LAMA5: variants seen among roughly 807,000 people sequenced by gnomAD.
The protein encoded by LAMA5 is laminin subunit alpha 5.
A neutral mutation model predicts 433.4 loss-of-function variants in LAMA5; 260 were observed. The ratio of observed to expected loss-of-function variants is 0.60; its 90% CI spans 0.54 to 0.66. The LOEUF (loss-of-function observed/expected upper bound fraction) is 0.66. Ranked by LOEUF, LAMA5 falls within the 30% of genes least tolerant of loss-of-function variation. The pLI, the probability that LAMA5 is intolerant of heterozygous loss-of-function variation, is 0.00. For synonymous variants in LAMA5, 2,620 were observed against 2,226.6 expected (o/e 1.18, Z -4.97); for missense variants, 5,378 against 5,258.5 (o/e 1.02, Z -0.70).
intron 6 of LAMA5, 152 bp downstream of exon 6, chr20:62,351,552 G>A (rs939369857): frequency 5.8e-6 from 4 of 684,054 alleles, no homozygotes; most frequent in Non-Finnish European, 7.6e-6. Flanking sequence ...AGGCACACAC[G>A]GCGGTGGTCA....
At position 62,328,928 on chromosome 20, in the gene LAMA5, C is replaced by T. The variant is rs754231992; in HGVS notation, c.4363G>A (p.Gly1455Ser). 2.5e-6 allele frequency: 4 copies of T among 1,611,490 alleles called. No individual in the cohort carries two copies. Among genetic ancestry groups the T allele is most frequent in the Admixed American group, 1.7e-5 (1 of 59,892 alleles). Residue 1455 changes from glycine to serine, a missense_variant, in exon 34 of 80, where the codon GGC (glycine) becomes AGC (serine). By Grantham distance (56) the Gly-to-Ser change is moderately conservative (BLOSUM62 0). Coordinates refer to ENST00000252999, the MANE Select transcript of LAMA5 (RefSeq NM_005560.6). ...ACATGGGCATGGCAGGGACACTGGC[C>T]CCCGAAGGGCTCACACGTGGGGCCT... ...ATGPTCEPFG[G>S]QCPCHAHVIG...
intron 43 of LAMA5, 77 bp from the exon 44 acceptor site, chr20:62,323,933 G>C (rs953853240): frequency 2.7e-5 from 40 of 1,477,192 alleles, no homozygotes; most frequent in Middle Eastern, 2.0e-4. Context: ...GCTCCGGCTG[G>C]AACACACGCC....
chr20:62,341,223 G>A (rs906958434), intron 11 of LAMA5, among the ~76,000 whole-genome samples: 1 of 152,088 alleles, frequency 6.6e-6, no homozygotes, highest in African/African-American at 2.4e-5. Context: ...AAAAGGACAG[G>A]AGGGAAACCT....
Position 62,328,231 on chromosome 20 carries a change from G to A in LAMA5, c.4652+10C>T, listed in dbSNP as rs1296130460. ...CCAGGGGCCGCGCTGACGCCGCTCTGGGCTCTCACTTGCACTGGCCGCTGT... is the reference window on the plus strand; with the variant it reads ...CCAGGGGCCGCGCTGACGCCGCTCTAGGCTCTCACTTGCACTGGCCGCTGT... On this transcript the variant is annotated intron_variant, in intron 35 of 79. Coordinates refer to ENST00000252999, the MANE Select transcript of LAMA5 (RefSeq NM_005560.6). The A allele has an allele frequency of 7.5e-6, 12 of 1,594,982 alleles. No homozygotes were observed. The highest frequency in any genetic ancestry group is 1.0e-5 in the Non-Finnish European group (12 of 1,170,520).
intron 18 of LAMA5, among the ~76,000 whole-genome samples, chr20:62,336,047 C>T (rs1374956978): frequency 6.7e-6 from 1 of 149,944 alleles, no homozygotes; most frequent in Non-Finnish European, 1.5e-5. Context: ...CCCCAATACT[C>T]CCTTTAGGGC....
chr20:62,337,105 A>T lies in LAMA5; in HGVS notation c.2165-319T>A, dbSNP rs1601369422. On this transcript the variant is annotated intron_variant, in intron 16 of 79. Coordinates refer to ENST00000252999, the MANE Select transcript of LAMA5 (RefSeq NM_005560.6). ...ACGCACGTGAAGATGCACCCACTAC[A>T]CGTGCACTAACACACCCACACGCCC... 1.0e-5 allele frequency: 6 copies of T among 592,160 alleles called. No individual in the cohort carries two copies. In the East Asian group the frequency reaches 2.1e-4, roughly 21 times the overall value. The allele number at this position is 592,160 out of a possible 1,614,324, so 36.7% of individuals were successfully genotyped here. A position where few individuals can be genotyped will look rare whatever the true frequency, so the allele number is the denominator to read the frequency against.
rs376949823 is a variant in LAMA5 at position 62,310,473 on chromosome 20, C to T, written c.10546G>A (p.Gly3516Ser). Residue 3516 changes from glycine (G) to serine (S), a missense_variant, in exon 76 of 80, where the codon GGC becomes AGC. By Grantham distance (56) the Gly-to-Ser change is moderately conservative (BLOSUM62 0). Transcript: ENST00000252999. Reference sequence around the variant, plus strand: ...AAGAACAGGCCCGCCTCCAGGGGGCCCAAGATGCAGGGTGTGACCCCTGCC... The same window carrying T: ...AAGAACAGGCCCGCCTCCAGGGGGCTCAAGATGCAGGGTGTGACCCCTGCC... ...RMAGVTPCILGPLEAGLFFPG... is the reference protein window; with the variant it reads ...RMAGVTPCILSPLEAGLFFPG... The T allele has an allele frequency of 3.2e-4, 503 of 1,596,386 alleles. No homozygotes were observed. The highest frequency in any genetic ancestry group is 3.9e-4 in the Non-Finnish European group (452 of 1,173,476).
intron 16 of LAMA5, 84 bp from the exon 17 acceptor site, chr20:62,336,870 C>A: frequency 7.2e-7 from 1 of 1,392,236 alleles, no homozygotes; most frequent in South Asian, 1.2e-5. Flanking sequence ...CCAGAACCCA[C>A]GGTCCCACAG....
At chr20:62,364,902 G>C (rs1986550293) in intron 1 of LAMA5, among the ~76,000 whole-genome samples, 1 of 152,266 alleles carries the variant, frequency 6.6e-6, no homozygotes, top group African/African-American at 2.4e-5. Flanking sequence ...CTCAGATGGA[G>C]CTGCGGCTTC....
chr20:62,339,484 C>T (rs541472947), intron 11 of LAMA5, among the ~76,000 whole-genome samples: 21 of 152,174 alleles, frequency 1.4e-4, no homozygotes, highest in Non-Finnish European at 2.6e-4. Flanking sequence ...GATCCGCCTG[C>T]CTCGGCCTCC....
chr20:62,334,327 G>A lies in LAMA5; in HGVS notation c.2598C>T (p.His866=), dbSNP rs1601359250. ...GPTCSEPARD[H]YLPDLHHLRL... is the part of the protein sequence containing the mutation. ...GCAGGTGGTGCAGGTCCGGGAGGTA[G>A]TGGTCCCTCGCAGGCCTGGCCACAG... is the stretch of plus-strand genomic sequence containing the variant. The change falls in exon 22 of 80, where the codon CAC becomes CAT. Residue 866 remains histidine (H), a synonymous_variant. Coordinates refer to ENST00000252999, the MANE Select transcript of LAMA5 (RefSeq NM_005560.6). 2 of 1,605,300 alleles carry A rather than the reference G, an allele frequency of 1.2e-6. No homozygotes were observed. Among genetic ancestry groups the A allele is most frequent in the East Asian group, 2.2e-5 (1 of 44,504 alleles).
chr20:62,324,234 G>A lies in LAMA5; in HGVS notation c.5644-30C>T, dbSNP rs374013697. 2 of 1,577,526 alleles carry A rather than the reference G, an allele frequency of 1.3e-6. No homozygotes were observed. The highest frequency in any genetic ancestry group is 2.8e-5 in the African/African-American group (2 of 72,480). ...GGCAGAGTGGACAGTCAGAGCTATG[G>A]TGGACACCCACATCCTACTGCCGAG... is the stretch of plus-strand genomic sequence containing the variant. On this transcript the variant is annotated intron_variant, in intron 42 of 79. Transcript: ENST00000252999. This position sits in a 1 kb window ranked among gnomAD's most constrained non-coding sequence, Gnocchi z 4.4.
At chr20:62,336,813 C>A in intron 16 of LAMA5, 27 bp from the exon 17 acceptor site, 1 of 1,610,262 alleles carries the variant, frequency 6.2e-7, no homozygotes, top group South Asian at 1.1e-5. Context: ...ATGCCTCGGT[C>A]ATTTCCCAGT....
rs1300737641 is a variant in LAMA5, at chr20:62,360,477, G to A, written c.450+1923C>T. 2.5e-3 allele frequency among the ~76,000 whole-genome samples: 2 copies of A among 798 alleles called. 1 individual carries two copies. Among genetic ancestry groups the A allele is most frequent in the Non-Finnish European group, 0.018 (2 of 114 alleles). 0.5% of individuals were successfully genotyped at this position (798 alleles called of 152,430 possible). Reference sequence around the variant, plus strand: ...GATAGATGGGTGGTGGGTGGGTGGAGGGATAGATGGGTGGTGGGTGGGTGG... The same window carrying A: ...GATAGATGGGTGGTGGGTGGGTGGAAGGATAGATGGGTGGTGGGTGGGTGG... On this transcript the variant is annotated intron_variant, in intron 2 of 79. Coordinates refer to ENST00000252999, the MANE Select transcript of LAMA5 (RefSeq NM_005560.6).
At chr20:62,337,543 C>A in intron 16 of LAMA5, 47 bp downstream of exon 16, 1 of 1,561,690 alleles carries the variant, frequency 6.4e-7, no homozygotes, top group South Asian at 1.2e-5. Context: ...AGCACAGACC[C>A]ACACACAGGC....
chr20:62,317,073 G>C, intron 55 of LAMA5, 50 bp from the exon 56 acceptor site: 5 of 1,485,432 alleles, frequency 3.4e-6, no homozygotes, highest in Non-Finnish European at 4.5e-6. Context: ...GACGCCCTCG[G>C]CCTGGCTCTC....
chr20:62,364,067 A>G (rs181255429), intron 1 of LAMA5, among the ~76,000 whole-genome samples: 42 of 152,060 alleles, frequency 2.8e-4, no homozygotes, highest in African/African-American at 9.2e-4. Flanking sequence ...CAGGGTCCAC[A>G]CCCTCCTTAT....
At chr20:62,336,148 C>G (rs1981584449) in intron 18 of LAMA5, among the ~76,000 whole-genome samples, 192 bp downstream of exon 18, 1 of 150,806 alleles carries the variant, frequency 6.6e-6, no homozygotes, top group Non-Finnish European at 1.5e-5. Flanking sequence ...ACCCCGCACC[C>G]CAACATTCCC....
At chr20:62,349,960 G>A (rs1279320423) in intron 6 of LAMA5, among the ~76,000 whole-genome samples, 1 of 151,332 alleles carries the variant, frequency 6.6e-6, no homozygotes, top group East Asian at 2.0e-4. Flanking sequence ...GAGGAGAGGT[G>A]GGGTGGCGGG....
Sources: allele counts gnomAD v4.1 joint callset (sites outside exome capture counted in the v4.1 genomes callset), GRCh38; gene constraint gnomAD v4.1.1; non-coding constraint Gnocchi (gnomAD v3.1); transcripts MANE v1.5; gene names NCBI Gene and HGNC (gene_info 2026-07-23, HGNC 2026-07-21).